Variants in PAQR5 observed in about 807,000 individuals in gnomAD.
PAQR5 encodes progestin and adipoQ receptor family member 5.
A neutral mutation model predicts 34.5 loss-of-function variants in PAQR5; 20 were observed. The observed-to-expected ratio is 0.58, with a 90% CI of 0.41 to 0.84. PAQR5 has a LOEUF of 0.84. Among genes scored for constraint, PAQR5 ranks in the 40% least tolerant of loss-of-function variants. PAQR5 has a pLI of 0.00. For missense variants in PAQR5, 378 were observed against 412.7 expected, an observed-to-expected ratio of 0.92 and a Z score of 0.73; for synonymous variants, 131 against 155.6, an observed-to-expected ratio of 0.84 and a Z score of 1.18.
intron 3 of PAQR5, among the ~76,000 whole-genome samples, chr15:69,378,268 A>AAT (rs1482975248): frequency 5.9e-5 from 8 of 135,426 alleles, no homozygotes; most frequent in African/African-American, 2.3e-4. Flanking sequence ...CCATCTTAAA[A>AAT]AAAAAAAAAA....
At chr15:69,357,678 T>C (rs1274732669) in intron 2 of PAQR5, among the ~76,000 whole-genome samples, 1 of 152,220 alleles carries the variant, frequency 6.6e-6, no homozygotes, top group Admixed American at 6.5e-5. Flanking sequence ...GAATAATGCT[T>C]CTATTACTGT....
At position 69,360,144 on chromosome 15, in the gene PAQR5, T is replaced by C. The variant is rs200896659; in HGVS notation, c.51+13T>C. The stretch of plus-strand genomic sequence containing the variant: ...CCAGATACCCCAGGTATGTGCTCTA[T>C]TGATTATGATGGTTCATTTCCAGAG... On this transcript the variant is annotated intron_variant, in intron 3 of 8. Coordinates refer to ENST00000395407, the MANE Select transcript of PAQR5 (RefSeq NM_017705.4). 43 of 1,603,222 alleles carry C rather than the reference T, an allele frequency of 2.7e-5. No individual in the cohort carries two copies. In the Admixed American group the frequency reaches 5.3e-4, roughly 20 times the overall value.
intron 1 of PAQR5, among the ~76,000 whole-genome samples, chr15:69,322,728 G>C (rs1333516783): frequency 3.2e-5 from 1 of 30,928 alleles, no homozygotes; most frequent in Non-Finnish European, 6.7e-5. Context: ...AGAAGAAGAA[G>C]AAGAAGAAGA....
intron 4 of PAQR5, among the ~76,000 whole-genome samples, chr15:69,381,401 G>C (rs564957079): frequency 2.0e-4 from 31 of 152,316 alleles, no homozygotes; most frequent in Admixed American, 9.8e-4. Flanking sequence ...CAATCTGCAT[G>C]TCTCCTGGAC....
chr15:69,378,781 G>C (rs571700027), intron 3 of PAQR5, among the ~76,000 whole-genome samples: 1 of 152,152 alleles, frequency 6.6e-6, no homozygotes, highest in Non-Finnish European at 1.5e-5. Context: ...GCCCCCAGGG[G>C]ACATCTGACA....
chr15:69,355,182 T>G (rs2055023546), intron 2 of PAQR5, among the ~76,000 whole-genome samples: 1 of 152,082 alleles, frequency 6.6e-6, no homozygotes, highest in African/African-American at 2.4e-5. Context: ...TCTCTCTCTC[T>G]CTCGCTATCT....
intron 3 of PAQR5, chr15:69,379,252 A>G (rs149761865): frequency 0.011 from 1,700 of 157,950 alleles, 13 homozygotes; most frequent in Non-Finnish European, 0.017. Flanking sequence ...ATTTCACCTG[A>G]CCAGTCCGGG....
intron 2 of PAQR5, among the ~76,000 whole-genome samples, chr15:69,351,921 T>C (rs1343747245): frequency 1.3e-5 from 2 of 152,194 alleles, no homozygotes; most frequent in Non-Finnish European, 2.9e-5. Flanking sequence ...GTTTGGATTT[T>C]AGGGACACAC....
chr15:69,377,787 C>T (rs1567029393), intron 3 of PAQR5, among the ~76,000 whole-genome samples: 1 of 152,128 alleles, frequency 6.6e-6, no homozygotes, highest in East Asian at 1.9e-4. Context: ...CTGGCAGCCC[C>T]TCACCTTCTG....
At chr15:69,333,112 A>G (rs1212592511) in intron 1 of PAQR5, among the ~76,000 whole-genome samples, 1 of 151,796 alleles carries the variant, frequency 6.6e-6, no homozygotes, top group Non-Finnish European at 1.5e-5. Context: ...TTCTCAGTTG[A>G]CTGAATTATT....
At chr15:69,314,886 G>A (rs531768589) in intron 1 of PAQR5, 54 of 153,958 alleles carry the variant, frequency 3.5e-4, no homozygotes, top group African/African-American at 1.1e-3. Flanking sequence ...GGGGTTAGAC[G>A]ACTCCTGCTT....
Position 69,385,017 on chromosome 15 carries a change from G to A in PAQR5, c.385+135G>A. ...GGGATTATGCCAGTGCCCCTGTCCA[G>A]GTTCCCAATGGGTGTTTTATAAGAA... On this transcript the variant is annotated intron_variant, in intron 5 of 8. Transcript: ENST00000395407. The surrounding 1 kb of genome is among the most constrained non-coding windows in gnomAD (Gnocchi z 4.7). 4 of 644,990 alleles carry A rather than the reference G, an allele frequency of 6.2e-6. No homozygotes were observed. Among genetic ancestry groups the A allele is most frequent in the Middle Eastern group, 8.5e-4 (2 of 2,340 alleles). 40.0% of individuals were successfully genotyped at this position (644,990 alleles called of 1,614,324 possible).
intron 1 of PAQR5, among the ~76,000 whole-genome samples, chr15:69,300,831 C>CTTCCTT (rs1566986073): frequency 1.6e-5 from 1 of 61,350 alleles, no homozygotes; most frequent in Non-Finnish European, 3.5e-5. Context: ...TCCTTCCTTC[C>CTTCCTT]TTTAGTTCGT....
chr15:69,379,405 C>A, intron 3 of PAQR5: 1 of 985,222 alleles, frequency 1.0e-6, no homozygotes, highest in Non-Finnish European at 1.2e-6. Context: ...ATCAAAAGCC[C>A]TTTATGAAGC....
intron 3 of PAQR5, among the ~76,000 whole-genome samples, chr15:69,368,194 G>A (rs545044685): frequency 2.6e-5 from 4 of 151,420 alleles, no homozygotes; most frequent in South Asian, 2.1e-4. Context: ...GCTGGATTAC[G>A]GGCATGCACC....
chr15:69,301,236 T>C (rs1336880697), intron 1 of PAQR5, among the ~76,000 whole-genome samples: 1 of 151,952 alleles, frequency 6.6e-6, no homozygotes, highest in African/African-American at 2.4e-5. Flanking sequence ...ACTGCTAACA[T>C]CAGATGACCC....
At chr15:69,392,412 G>T (rs80214343) in intron 6 of PAQR5, among the ~76,000 whole-genome samples, 6,077 of 152,268 alleles carry the variant, frequency 0.04, 241 homozygotes, top group East Asian at 0.11. Flanking sequence ...TCTCCTGGGT[G>T]CCTGAGTTTG....
chr15:69,330,391 T>C (rs2054351742), intron 1 of PAQR5, among the ~76,000 whole-genome samples: 1 of 152,230 alleles, frequency 6.6e-6, no homozygotes, highest in Non-Finnish European at 1.5e-5. Flanking sequence ...ACCTCCTTCT[T>C]GCCTGGGGAC....
At chr15:69,334,184 C>A (rs561804444) in intron 1 of PAQR5, among the ~76,000 whole-genome samples, 4 of 152,168 alleles carry the variant, frequency 2.6e-5, no homozygotes, top group Non-Finnish European at 5.9e-5. Context: ...CCCGCCACCA[C>A]GCCGGGCTAA....
Sources: gnomAD v4.1 joint callset for allele counts (sites outside exome capture counted in the v4.1 genomes callset) on GRCh38, gnomAD v4.1.1 for gene constraint, Gnocchi (gnomAD v3.1) non-coding constraint, MANE v1.5 for transcripts, NCBI Gene and HGNC (gene_info 2026-07-23, HGNC 2026-07-21) for gene names.